HHLA1: variants seen among roughly 807,000 people sequenced by gnomAD.
HHLA1 encodes HERV-H LTR-associating protein 1.
Under a neutral mutation model 69.9 loss-of-function variants are expected in HHLA1, and 72 were observed. The observed-to-expected ratio is 1.03, with a 90% confidence interval of 0.85 to 1.25. The LOEUF (loss-of-function observed/expected upper bound fraction) is 1.25. HHLA1 is among the 50% of genes most tolerant of loss of function. The pLI is 0.00. For synonymous variants in HHLA1, 252 were observed against 233.2 expected, an observed-to-expected ratio of 1.08 and a Z score of -0.73; for missense variants, 685 against 642.2, an observed-to-expected ratio of 1.07 and a Z score of -0.72.
chr8:132,074,602 A>ATT (rs144253262), intron 14 of HHLA1, among the ~76,000 whole-genome samples: 3 of 150,242 alleles, frequency 2.0e-5, no homozygotes, highest in African/African-American at 4.9e-5. Flanking sequence ...TTGTGGCATG[A>ATT]TTTTTTTTTT....
intron 10 of HHLA1, among the ~76,000 whole-genome samples, chr8:132,083,986 A>G (rs1180673547): frequency 6.6e-6 from 1 of 151,060 alleles, no homozygotes; most frequent in Non-Finnish European, 1.5e-5. Flanking sequence ...TTTAGGGTCT[A>G]GGGCTATAAA....
chr8:132,107,758 A>C (rs1383275054), intron 1 of HHLA1, among the ~76,000 whole-genome samples: 1 of 152,232 alleles, frequency 6.6e-6, no homozygotes, highest in African/African-American at 2.4e-5. Context: ...AGTAAAAAAC[A>C]CAGGACACCA....
At position 132,062,432 on chromosome 8, in the gene HHLA1, C is replaced by G. The variant is rs1435307591; in HGVS notation, c.*1563G>C. On this transcript the variant is annotated 3_prime_UTR_variant, in exon 17 of 17. Transcript: ENST00000414222. ...CTCAGGGGTCTTCCAATGGCAGAAACTGTTTTCTACTTAGATGATGAACAG... is the reference window on the plus strand; with the variant it reads ...CTCAGGGGTCTTCCAATGGCAGAAAGTGTTTTCTACTTAGATGATGAACAG... 1 of 152,182 alleles carries G rather than the reference C, an allele frequency of 6.6e-6. No individual in the cohort carries two copies. Among genetic ancestry groups the G allele is most frequent in the East Asian group, 1.9e-4 (1 of 5,184 alleles). 9.4% of individuals were successfully genotyped at this position (152,182 alleles called of 1,614,324 possible).
At chr8:132,075,377 G>T (rs898685311) in intron 14 of HHLA1, among the ~76,000 whole-genome samples, 2 of 152,130 alleles carry the variant, frequency 1.3e-5, no homozygotes, top group African/African-American at 2.4e-5. Flanking sequence ...ATGGAATCTG[G>T]CTCAACAGAA....
At chr8:132,083,252 T>C (rs764422936) in intron 10 of HHLA1, among the ~76,000 whole-genome samples, 9 of 152,086 alleles carry the variant, frequency 5.9e-5, no homozygotes, top group Non-Finnish European at 1.3e-4. Flanking sequence ...AAAGGAGTGC[T>C]TAAAAGAGTA....
chr8:132,083,263 T>G (rs1027752998), intron 10 of HHLA1, among the ~76,000 whole-genome samples: 1 of 152,010 alleles, frequency 6.6e-6, no homozygotes. Context: ...TAAAAGAGTA[T>G]TGTCTAAGTT....
intron 11 of HHLA1, among the ~76,000 whole-genome samples, chr8:132,078,848 A>T (rs1026577570): frequency 5.3e-5 from 8 of 152,198 alleles, no homozygotes; most frequent in African/African-American, 1.9e-4. Context: ...AATTCTGATG[A>T]CAATATTGTC....
At position 132,104,114 on chromosome 8, in the gene HHLA1, T is replaced by A. The variant is rs1339076713; in HGVS notation, c.133A>T (p.Thr45Ser). 1.3e-6 allele frequency: 2 copies of A among 1,548,726 alleles called. No individual in the cohort carries two copies. ...KKEKGMTFLP[T>S]TVSGLREEER... is the part of the protein sequence containing the mutation. ...GCCCTTATCACCCACTTACCTGTTG[T>A]AGGTAAAAAGGTCATTCCCTTCTCT... Residue 45 changes from threonine to serine, a missense_variant, in exon 3 of 17, where the codon ACA becomes TCA. By Grantham distance (58) the Thr-to-Ser change is moderately conservative. Transcript: ENST00000414222.
chr8:132,105,398 T>A, intron 1 of HHLA1, 112 bp from the exon 2 acceptor site: 1 of 743,348 alleles, frequency 1.3e-6, no homozygotes, highest in Non-Finnish European at 2.4e-6. Flanking sequence ...GGCTTTGTAC[T>A]AGGTTAGGAG....
At chr8:132,079,585 T>C in intron 11 of HHLA1, 133 bp downstream of exon 11, 3 of 991,052 alleles carry the variant, frequency 3.0e-6, no homozygotes, top group Non-Finnish European at 4.4e-6. Context: ...AGATCTGTTA[T>C]TTAAGTAAGC....
At chr8:132,073,633 C>T (rs979356096) in intron 14 of HHLA1, among the ~76,000 whole-genome samples, 1 of 152,212 alleles carries the variant, frequency 6.6e-6, no homozygotes, top group South Asian at 2.1e-4. Flanking sequence ...GAAGCCTGTG[C>T]TCATAACCAT....
intron 10 of HHLA1, among the ~76,000 whole-genome samples, chr8:132,084,526 A>G (rs957760909): frequency 1.3e-5 from 2 of 152,206 alleles, no homozygotes; most frequent in African/African-American, 4.8e-5. Flanking sequence ...TAGATTTTGC[A>G]GGATGGAGAA....
intron 8 of HHLA1, among the ~76,000 whole-genome samples, chr8:132,089,134 C>T (rs1413213912): frequency 1.3e-5 from 2 of 152,178 alleles, no homozygotes; most frequent in Non-Finnish European, 2.9e-5. Flanking sequence ...TGGGCTTAGG[C>T]TCCATATAGA....
At chr8:132,080,317 G>A (rs1400611969) in intron 10 of HHLA1, 8 of 362,828 alleles carry the variant, frequency 2.2e-5, no homozygotes, top group East Asian at 2.2e-4. Context: ...GGGTGCAGGC[G>A]GGCTGAGTCC....
chr8:132,104,985 T>C (rs916581332), intron 2 of HHLA1, among the ~76,000 whole-genome samples: 2 of 152,228 alleles, frequency 1.3e-5, no homozygotes, highest in Non-Finnish European at 1.5e-5. Context: ...ACAGTGAAGG[T>C]GAAGAGAATT....
intron 2 of HHLA1, 72 bp downstream of exon 2, chr8:132,105,115 T>A (rs9642906): frequency 0.37 from 417,459 of 1,129,118 alleles, 79,079 homozygotes; most frequent in Admixed American, 0.47. Flanking sequence ...GCTGCTGAGG[T>A]TCTCTAAAGC....
rs1490574827 is a variant in HHLA1, at chr8:132,073,815, T to A, written c.1315+2240A>T. 5.3e-5 allele frequency among the ~76,000 whole-genome samples: 8 copies of A among 152,194 alleles called. 1 individual carries two copies. The highest frequency in any genetic ancestry group is 5.2e-4 in the Admixed American group (8 of 15,276). ...GTTCCCTCCTGTGCTCACTCCATCA[T>A]CACCGCATCCTCTTGGTTCTATCTC... On this transcript the variant is annotated intron_variant, in intron 14 of 16. Transcript: ENST00000414222.
chr8:132,102,614 A>G (rs190595210), intron 3 of HHLA1, among the ~76,000 whole-genome samples: 73 of 152,308 alleles, frequency 4.8e-4, no homozygotes, highest in Middle Eastern at 6.8e-3. Flanking sequence ...AGGAGGCACA[A>G]TCAACCTTGC....
At chr8:132,099,088 A>G (rs1437846836) in intron 4 of HHLA1, 126 bp from the exon 5 acceptor site, 2 of 655,920 alleles carry the variant, frequency 3.0e-6, no homozygotes, top group Non-Finnish European at 5.2e-6. Flanking sequence ...ACCAAGTGCC[A>G]GGCACGAGGG....
Sources: allele counts gnomAD v4.1 joint callset (sites outside exome capture counted in the v4.1 genomes callset), GRCh38; gene constraint gnomAD v4.1.1; transcripts MANE v1.5; gene names NCBI Gene and HGNC (gene_info 2026-07-23, HGNC 2026-07-21).